Variants in SPAG17 observed in about 807,000 individuals in gnomAD.
SPAG17 encodes sperm-associated antigen 17.
SPAG17 carries 169 observed loss-of-function variants against 273.6 expected under a neutral mutation model. The ratio of observed to expected loss-of-function variants is 0.62; its 90% confidence interval spans 0.55 to 0.70. The LOEUF (loss-of-function observed/expected upper bound fraction) is 0.70, where lower values mean the gene tolerates loss of function less well. Ranked by LOEUF, SPAG17 falls within the 30% of genes least tolerant of loss-of-function variation. SPAG17 has a pLI of 0.00. For synonymous variants in SPAG17, 825 were observed against 873.2 expected, an observed-to-expected ratio of 0.94 and a Z score of 0.97; for missense variants, 2,557 against 2,627.8, an observed-to-expected ratio of 0.97 and a Z score of 0.59.
chr1:118,084,207 T>C (rs1654818982), intron 13 of SPAG17, among the ~76,000 whole-genome samples: 1 of 152,178 alleles, frequency 6.6e-6, no homozygotes, highest in Non-Finnish European at 1.5e-5. Flanking sequence ...CCCTCGAGGC[T>C]ATACCCTGCA....
At chr1:118,019,690 T>C (rs753196719) in intron 28 of SPAG17, among the ~76,000 whole-genome samples, 5 of 152,182 alleles carry the variant, frequency 3.3e-5, no homozygotes, top group Non-Finnish European at 7.4e-5. Flanking sequence ...ATTGAAATTG[T>C]AATAAAAAAT....
At chr1:118,015,652 C>T (rs1659884986) in intron 29 of SPAG17, among the ~76,000 whole-genome samples, 1 of 152,100 alleles carries the variant, frequency 6.6e-6, no homozygotes, top group Non-Finnish European at 1.5e-5. Flanking sequence ...TCATTAATCA[C>T]ATATATCTTA....
intron 24 of SPAG17, among the ~76,000 whole-genome samples, chr1:118,036,182 T>C (rs1385232879): frequency 6.6e-6 from 1 of 151,764 alleles, no homozygotes; most frequent in Admixed American, 6.6e-5. Context: ...AGCAAGATCC[T>C]GTCTCAGAAA....
chr1:117,960,576 A>G (rs1245100526), intron 48 of SPAG17: 4 of 152,244 alleles, frequency 2.6e-5, no homozygotes, highest in Non-Finnish European at 5.9e-5. Context: ...GCACTGTGAT[A>G]TGCAGTTTAC....
chr1:118,015,387 A>G (rs554813168), intron 29 of SPAG17, among the ~76,000 whole-genome samples: 3 of 152,156 alleles, frequency 2.0e-5, no homozygotes, highest in East Asian at 1.9e-4. Flanking sequence ...TTTGTCATGT[A>G]TTCTTATGCT....
chr1:118,111,816 C>T (rs1286232027), intron 4 of SPAG17, among the ~76,000 whole-genome samples: 1 of 152,130 alleles, frequency 6.6e-6, no homozygotes, highest in Non-Finnish European at 1.5e-5. Flanking sequence ...TAGTTCTTTA[C>T]CGCCTATCTT....
chr1:118,026,410 A>C (rs1251992552), intron 26 of SPAG17, among the ~76,000 whole-genome samples: 2 of 152,216 alleles, frequency 1.3e-5, no homozygotes, highest in African/African-American at 4.8e-5. Flanking sequence ...AGGAATTAAC[A>C]CATAATGATA....
chr1:118,012,299 T>C lies in SPAG17; in HGVS notation c.4361A>G (p.Asp1454Gly), dbSNP rs1219964485. The C allele has an allele frequency of 2.5e-6, 4 of 1,613,756 alleles. No individual in the cohort carries two copies. The highest frequency in any genetic ancestry group is 3.4e-6 in the Non-Finnish European group (4 of 1,179,756). The part of the protein sequence containing the change: ...KDGTRIVDHA[D>G]GTRITTFYQV... ...ATAAAAGGTTGTGATTCTGGTACCATCAGCATGATCCACTATCCGAGTACC... is the reference window on the plus strand; with the variant it reads ...ATAAAAGGTTGTGATTCTGGTACCACCAGCATGATCCACTATCCGAGTACC... Residue 1454 changes from aspartate to glycine, a missense_variant, in exon 30 of 49, where the codon GAT becomes GGT. Transcript: ENST00000336338.
At chr1:118,058,976 T>C (rs1651990217) in intron 18 of SPAG17, among the ~76,000 whole-genome samples, 1 of 152,170 alleles carries the variant, frequency 6.6e-6, no homozygotes, top group South Asian at 2.1e-4. Context: ...GATAAATCCA[T>C]AATCATAAAA....
At chr1:117,967,673 G>A (rs758510673) in intron 46 of SPAG17, among the ~76,000 whole-genome samples, 3 of 152,160 alleles carry the variant, frequency 2.0e-5, no homozygotes, top group Non-Finnish European at 4.4e-5. Context: ...TTGAAAACCC[G>A]TGGAAGAGGA....
chr1:118,079,028 C>T (rs753146884), intron 15 of SPAG17, among the ~76,000 whole-genome samples: 10 of 151,994 alleles, frequency 6.6e-5, no homozygotes, highest in Non-Finnish European at 1.2e-4. Context: ...ATTACTTTAA[C>T]TTTCAGTTGT....
intron 15 of SPAG17, among the ~76,000 whole-genome samples, chr1:118,080,760 C>G (rs1891665): frequency 0.5 from 76,016 of 151,900 alleles, 19,547 homozygotes; most frequent in African/African-American, 0.57. Flanking sequence ...GATTTTGAAC[C>G]AAGCTCTGTA....
intron 48 of SPAG17, chr1:117,957,024 C>A: frequency 6.7e-7 from 1 of 1,492,260 alleles, no homozygotes; most frequent in Non-Finnish European, 8.9e-7. Context: ...ATGTTAACAA[C>A]GTTAACAAAT....
At chr1:118,103,265 T>C (rs1200690808) in intron 4 of SPAG17, among the ~76,000 whole-genome samples, 2 of 152,188 alleles carry the variant, frequency 1.3e-5, no homozygotes, top group Non-Finnish European at 2.9e-5. Flanking sequence ...AAAGTCAAGC[T>C]TGCCAGGCTT....
At chr1:117,983,958 A>G in intron 41 of SPAG17, 45 bp from the exon 42 acceptor site, 1 of 956,170 alleles carries the variant, frequency 1.0e-6, no homozygotes, top group Non-Finnish European at 1.6e-6. Flanking sequence ...CATGGCTGAA[A>G]TTCAACTGTC....
chr1:118,142,448 T>C (rs1420104586), intron 3 of SPAG17, among the ~76,000 whole-genome samples: 14 of 152,162 alleles, frequency 9.2e-5, no homozygotes, highest in Non-Finnish European at 4.4e-5. Context: ...CACTTAGACA[T>C]GGTTAAAATG....
At chr1:118,041,720 A>C in intron 21 of SPAG17, 83 bp downstream of exon 21, 2 of 1,529,774 alleles carry the variant, frequency 1.3e-6, no homozygotes, top group Non-Finnish European at 1.8e-6. Context: ...TAGTGAAAAC[A>C]AAAGAATCTT....
chr1:118,031,233 T>G (rs1293045787), intron 25 of SPAG17, among the ~76,000 whole-genome samples: 1 of 149,272 alleles, frequency 6.7e-6, no homozygotes, highest in Non-Finnish European at 1.5e-5. Context: ...AGGTGGGCTG[T>G]TAGTCTTGTT....
intron 7 of SPAG17, among the ~76,000 whole-genome samples, chr1:118,095,031 T>A (rs1483574192): frequency 6.6e-6 from 1 of 152,240 alleles, no homozygotes; most frequent in Non-Finnish European, 1.5e-5. Flanking sequence ...CATTAATGTT[T>A]CAATTCTGAA....
Sources: gnomAD v4.1 joint callset for allele counts (sites outside exome capture counted in the v4.1 genomes callset) on GRCh38, gnomAD v4.1.1 for gene constraint, MANE v1.5 for transcripts, NCBI Gene and HGNC (gene_info 2026-07-23, HGNC 2026-07-21) for gene names.